Variants in COL11A1 observed in about 807,000 individuals in gnomAD.
The protein encoded by COL11A1 is collagen type XI alpha 1 chain.
A neutral mutation model predicts 265.2 loss-of-function variants in COL11A1; 74 were observed. The observed-to-expected ratio is 0.28, with a 90% CI of 0.23 to 0.34. The LOEUF (loss-of-function observed/expected upper bound fraction) is 0.34. COL11A1 is among the 10% of genes least tolerant of loss of function. The probability of loss-of-function intolerance (pLI) is 1.00; values close to 1 mark genes in which losing one functional copy is unlikely to be tolerated. For synonymous variants in COL11A1, 816 were observed against 727.6 expected, an observed-to-expected ratio of 1.12 and a Z score of -1.96; for missense variants, 2,165 against 2,263.6, an observed-to-expected ratio of 0.96 and a Z score of 0.88.
intron 43 of COL11A1, among the ~76,000 whole-genome samples, chr1:102,939,824 T>A (rs896913859): frequency 6.6e-6 from 1 of 152,134 alleles, no homozygotes; most frequent in African/African-American, 2.4e-5. Flanking sequence ...TTAAATAATA[T>A]TTTAAAATAA....
At chr1:102,924,941 T>C (rs999119463) in intron 46 of COL11A1, among the ~76,000 whole-genome samples, 2 of 151,910 alleles carry the variant, frequency 1.3e-5, no homozygotes, top group African/African-American at 4.8e-5. Context: ...TATTGTAGGA[T>C]TATGGATTTT....
At chr1:102,998,758 T>C (rs1293455883) in intron 24 of COL11A1, among the ~76,000 whole-genome samples, 2 of 151,862 alleles carry the variant, frequency 1.3e-5, no homozygotes, top group African/African-American at 2.4e-5. Flanking sequence ...TAAGTACTAA[T>C]TCAAAAAATT....
intron 15 of COL11A1, among the ~76,000 whole-genome samples, chr1:103,007,497 C>A (rs1156539054): frequency 6.6e-6 from 1 of 151,520 alleles, no homozygotes; most frequent in African/African-American, 2.4e-5. Flanking sequence ...AAAATGAAAC[C>A]CAAATTTGAA....
intron 54 of COL11A1, among the ~76,000 whole-genome samples, chr1:102,903,769 C>T (rs1475944307): frequency 6.6e-6 from 1 of 152,188 alleles, no homozygotes; most frequent in Non-Finnish European, 1.5e-5. Context: ...CTGCATTATA[C>T]CCCTCTATGA....
chr1:102,904,724 A>G (rs1217665405), intron 54 of COL11A1, among the ~76,000 whole-genome samples: 5 of 152,050 alleles, frequency 3.3e-5, no homozygotes, highest in Non-Finnish European at 5.9e-5. Flanking sequence ...GTCAGGAAAC[A>G]ACAGGTGCTG....
At chr1:102,880,003 T>A (rs955335244) in intron 65 of COL11A1, 87 bp from the exon 66 acceptor site, 1 of 887,458 alleles carries the variant, frequency 1.1e-6, no homozygotes, top group African/African-American at 1.7e-5. Context: ...CAGTGAACTG[T>A]GATGCCAGAA....
At chr1:103,081,239 T>C (rs1245163173) in intron 2 of COL11A1, among the ~76,000 whole-genome samples, 6 of 151,848 alleles carry the variant, frequency 4.0e-5, no homozygotes, top group African/African-American at 1.4e-4. Context: ...ACACTGACCC[T>C]GAGATAATGA....
intron 11 of COL11A1, 42 bp downstream of exon 11, chr1:103,017,778 A>G (rs961444916): frequency 1.3e-6 from 2 of 1,489,550 alleles, no homozygotes. Flanking sequence ...TTAAGTCTGT[A>G]TGACATGCAT....
intron 44 of COL11A1, among the ~76,000 whole-genome samples, chr1:102,938,758 A>C (rs1658410406): frequency 6.6e-6 from 1 of 152,154 alleles, no homozygotes; most frequent in Non-Finnish European, 1.5e-5. Context: ...ATTTCTCATA[A>C]TCATACAAAA....
intron 4 of COL11A1, among the ~76,000 whole-genome samples, chr1:103,064,348 T>A (rs376340106): frequency 1.3e-5 from 2 of 152,186 alleles, no homozygotes; most frequent in East Asian, 3.9e-4. Flanking sequence ...ATCCGGCTAG[T>A]AGAATGTTAT....
chr1:103,085,901 C>A (rs768514113), intron 1 of COL11A1, among the ~76,000 whole-genome samples: 2 of 152,120 alleles, frequency 1.3e-5, no homozygotes, highest in Non-Finnish European at 2.9e-5. Flanking sequence ...TTAACCCTCA[C>A]AAACCATATG....
chr1:102,984,110 A>G (rs984261566), intron 31 of COL11A1, 28 bp downstream of exon 31: 2 of 1,506,346 alleles, frequency 1.3e-6, no homozygotes, highest in Admixed American at 1.7e-5. Flanking sequence ...CGAAATGTTA[A>G]TAAACTATAA....
At chr1:103,064,699 A>T in intron 4 of COL11A1, among the ~76,000 whole-genome samples, 1 of 96,506 alleles carries the variant, frequency 1.0e-5, no homozygotes, top group Non-Finnish European at 2.1e-5. Flanking sequence ...CAAAAAAAAA[A>T]GAAAAAAAAA....
chr1:102,995,040 G>A (rs976057112), intron 28 of COL11A1, among the ~76,000 whole-genome samples: 3 of 151,902 alleles, frequency 2.0e-5, no homozygotes, highest in Non-Finnish European at 4.4e-5. Context: ...GAGGGAAACC[G>A]CCCCCATGAT....
At chr1:103,083,711 G>A (rs963683875) in intron 1 of COL11A1, among the ~76,000 whole-genome samples, 1 of 152,072 alleles carries the variant, frequency 6.6e-6, no homozygotes, top group Non-Finnish European at 1.5e-5. Context: ...GTAATTTATC[G>A]ATTTTTATTA....
chr1:102,921,645 A>G (rs1371762790), intron 47 of COL11A1, 74 bp from the exon 48 acceptor site: 5 of 1,258,134 alleles, frequency 4.0e-6, no homozygotes, highest in Admixed American at 1.9e-5. Context: ...TTTATGACTG[A>G]AAAATCTAAA....
chr1:102,981,439 A>G (rs1320499386), intron 31 of COL11A1, among the ~76,000 whole-genome samples: 2 of 152,058 alleles, frequency 1.3e-5, no homozygotes, highest in African/African-American at 4.8e-5. Context: ...TAGAAGAGGT[A>G]ACAGCATATT....
intron 42 of COL11A1, among the ~76,000 whole-genome samples, chr1:102,943,060 C>G (rs1005864328): frequency 6.6e-6 from 1 of 152,066 alleles, no homozygotes; most frequent in South Asian, 2.1e-4. Context: ...TGAGTCTACT[C>G]TCATTTCCTT....
At chr1:103,081,404 C>A (rs1018747836) in intron 2 of COL11A1, among the ~76,000 whole-genome samples, 1 of 151,826 alleles carries the variant, frequency 6.6e-6, no homozygotes. Flanking sequence ...ATAGAAAAAG[C>A]AGCTTACCTT....
Sources: allele counts gnomAD v4.1 joint callset (sites outside exome capture counted in the v4.1 genomes callset), GRCh38; gene constraint gnomAD v4.1.1; transcripts MANE v1.5; gene names NCBI Gene and HGNC (gene_info 2026-07-23, HGNC 2026-07-21).